SPATA16: variants seen among roughly 807,000 people sequenced by gnomAD.
SPATA16 encodes spermatogenesis-associated protein 16.
A neutral mutation model predicts 63.3 loss-of-function variants in SPATA16; 36 were observed. The observed-to-expected ratio is 0.57, with a 90% CI of 0.44 to 0.75. The LOEUF (loss-of-function observed/expected upper bound fraction) is 0.75, where lower values mean the gene tolerates loss of function less well. Ranked by LOEUF, SPATA16 falls within the 30% of genes least tolerant of loss-of-function variation. The probability of loss-of-function intolerance (pLI) is 0.00; values close to 1 mark genes in which losing one functional copy is unlikely to be tolerated. For missense variants in SPATA16, 646 were observed against 679.3 expected (o/e 0.95, Z 0.54); for synonymous variants, 203 against 216.7 (o/e 0.94, Z 0.56).
chr3:172,918,441 A>G (rs1355771100), intron 8 of SPATA16, among the ~76,000 whole-genome samples: 4 of 152,158 alleles, frequency 2.6e-5, no homozygotes, highest in African/African-American at 9.7e-5. Context: ...TGAATAAGAT[A>G]ACAGGGAAAG....
At chr3:173,033,049 T>C (rs1328450038) in intron 3 of SPATA16, among the ~76,000 whole-genome samples, 1 of 152,146 alleles carries the variant, frequency 6.6e-6, no homozygotes, top group African/African-American at 2.4e-5. Flanking sequence ...GAACATCAAA[T>C]GTACACAATC....
At chr3:173,103,656 C>A (rs1432099087) in intron 2 of SPATA16, among the ~76,000 whole-genome samples, 2 of 152,198 alleles carry the variant, frequency 1.3e-5, no homozygotes, top group Non-Finnish European at 2.9e-5. Context: ...GGACATGAAA[C>A]CATTATTTCC....
At chr3:172,906,385 A>G (rs1304501158) in intron 10 of SPATA16, among the ~76,000 whole-genome samples, 1 of 152,226 alleles carries the variant, frequency 6.6e-6, no homozygotes, top group Non-Finnish European at 1.5e-5. Flanking sequence ...AAACTAAGGA[A>G]CAGAGATGGA....
chr3:173,027,908 A>G (rs1477102535), intron 3 of SPATA16, among the ~76,000 whole-genome samples: 1 of 151,322 alleles, frequency 6.6e-6, no homozygotes, highest in African/African-American at 2.4e-5. Context: ...ATCTGCTATC[A>G]CTACCCCAGG....
rs564279239 is a variant in SPATA16, at chr3:173,038,003, G to A, written c.758+10946C>T. ...ACACATTCTTGAAATGTGAAAAGTC[G>A]AAGGGATAGCAGAGTGGTATCTGTT... On this transcript the variant is annotated intron_variant, in intron 3 of 10. Coordinates refer to ENST00000351008, the MANE Select transcript of SPATA16 (RefSeq NM_031955.6). Among the ~76,000 whole-genome samples, 12 of 152,180 alleles carry A rather than the reference G, an allele frequency of 7.9e-5. No homozygotes were observed. The East Asian group carries it at 9.7e-4, about 12-fold the overall frequency.
chr3:172,932,937 G>A (rs1283085692), intron 6 of SPATA16, among the ~76,000 whole-genome samples: 1 of 152,054 alleles, frequency 6.6e-6, no homozygotes, highest in Non-Finnish European at 1.5e-5. Flanking sequence ...GTATATTTAA[G>A]TTTTCTCTTG....
chr3:172,906,882 C>T (rs1203661460), intron 10 of SPATA16, among the ~76,000 whole-genome samples: 1 of 152,178 alleles, frequency 6.6e-6, no homozygotes, highest in East Asian at 1.9e-4. Context: ...GCTGGGACTA[C>T]AGGTGCCCGC....
chr3:172,996,836 A>G (rs1734703369), intron 4 of SPATA16, among the ~76,000 whole-genome samples: 2 of 152,142 alleles, frequency 1.3e-5, no homozygotes, highest in Non-Finnish European at 2.9e-5. Context: ...GCAACCAGTG[A>G]TCTTTTTACA....
In SPATA16 at chr3:172,989,295, C is replaced by G. The variant is rs76863282; in HGVS notation, c.849-12243G>C. Among the ~76,000 whole-genome samples the G allele has an allele frequency of 4.2e-3, 641 of 152,282 alleles. 4 individuals carry two copies. The highest frequency in any genetic ancestry group is 0.015 in the African/African-American group (618 of 41,544). On this transcript the variant is annotated intron_variant, in intron 4 of 10. Coordinates refer to ENST00000351008, the MANE Select transcript of SPATA16 (RefSeq NM_031955.6). ...AATTTCAGGGACATCAAAACATATTCTGGCTCACAAATCTTTCCATCAATG... is the reference window on the plus strand; with the variant it reads ...AATTTCAGGGACATCAAAACATATTGTGGCTCACAAATCTTTCCATCAATG...
At chr3:172,934,522 A>C (rs1342571217) in intron 6 of SPATA16, among the ~76,000 whole-genome samples, 1 of 152,164 alleles carries the variant, frequency 6.6e-6, no homozygotes, top group African/African-American at 2.4e-5. Context: ...TTCTATCATC[A>C]CAGAAAAGCA....
intron 3 of SPATA16, among the ~76,000 whole-genome samples, chr3:173,047,157 TC>T (rs1735976113): frequency 5.9e-5 from 9 of 152,014 alleles, no homozygotes; most frequent in East Asian, 1.9e-4. Flanking sequence ...ATCTTGTGGT[TC>T]TTATATTTGG....
rs66547523 is a variant in SPATA16, at chr3:173,010,435, CGTGTGT to C, written c.848+9045_848+9050del. On this transcript the variant is annotated intron_variant, in intron 4 of 10. Coordinates refer to ENST00000351008, the MANE Select transcript of SPATA16 (RefSeq NM_031955.6). ...GCCTGACCACTCTGGCACGTTGTGG[CGTGTGT>C]GTGTGTGTGTGTGTGTGTGTGTGTG... is the stretch of plus-strand genomic sequence containing the variant. Among the ~76,000 whole-genome samples, 311 of 141,404 alleles carry C rather than the reference CGTGTGT, an allele frequency of 2.2e-3. 1 individual carries two copies. Among genetic ancestry groups the C allele is most frequent in the African/African-American group, 5.6e-3 (210 of 37,630 alleles). 92.8% of individuals were successfully genotyped at this position (141,404 alleles called of 152,430 possible). A position where few individuals can be genotyped will look rare whatever the true frequency, so the allele number is the denominator to read the frequency against.
At chr3:172,937,069 T>A (rs1245317432) in intron 6 of SPATA16, among the ~76,000 whole-genome samples, 1 of 152,180 alleles carries the variant, frequency 6.6e-6, no homozygotes, top group Non-Finnish European at 1.5e-5. Flanking sequence ...AGTGTCAGAA[T>A]TGAATTGCAA....
rs574674103 is a variant in SPATA16, at chr3:173,123,508, G to A, written c.-18-5759C>T. 1.0e-3 allele frequency among the ~76,000 whole-genome samples: 154 copies of A among 151,736 alleles called. 1 individual carries two copies. In the Middle Eastern group the frequency reaches 0.01, roughly 10 times the overall value. ...TATTTGACTTTACTGCTGCTTTACT[G>A]GGTGGCACTCCCTCTAAAATGATAA... On this transcript the variant is annotated intron_variant, in intron 1 of 10. Coordinates refer to ENST00000351008, the MANE Select transcript of SPATA16 (RefSeq NM_031955.6).
At chr3:173,085,005 T>C (rs1737015009) in intron 2 of SPATA16, among the ~76,000 whole-genome samples, 1 of 152,196 alleles carries the variant, frequency 6.6e-6, no homozygotes, top group Non-Finnish European at 1.5e-5. Flanking sequence ...ATGTGGGCTC[T>C]TTTTGGCTCC....
intron 2 of SPATA16, among the ~76,000 whole-genome samples, chr3:173,075,487 T>C (rs1427027178): frequency 6.6e-6 from 1 of 152,184 alleles, no homozygotes; most frequent in Admixed American, 6.5e-5. Context: ...ATGTTTATTA[T>C]AGCAGTATTC....
Position 172,932,829 on chromosome 3 carries a change from A to G in SPATA16, c.1082-7337T>C, listed in dbSNP as rs540446576. Among the ~76,000 whole-genome samples, 4 of 152,270 alleles carry G rather than the reference A, an allele frequency of 2.6e-5. No homozygotes were observed. The South Asian group carries it at 8.3e-4, about 32-fold the overall frequency. On this transcript the variant is annotated intron_variant, in intron 6 of 10. Coordinates refer to ENST00000351008, the MANE Select transcript of SPATA16 (RefSeq NM_031955.6). ...TCCCTTTGACCTTCATTATAATTTC[A>G]GAGTTATAGACAGAAATAGAAAAAA...
chr3:172,905,890 A>G (rs901924325), intron 10 of SPATA16, among the ~76,000 whole-genome samples: 1 of 152,240 alleles, frequency 6.6e-6, no homozygotes, highest in Non-Finnish European at 1.5e-5. Context: ...ATGCTGGAGC[A>G]CTTTTCTCAT....
At chr3:173,119,259 C>T (rs1577184613) in intron 1 of SPATA16, among the ~76,000 whole-genome samples, 1 of 152,254 alleles carries the variant, frequency 6.6e-6, no homozygotes, top group East Asian at 1.9e-4. Flanking sequence ...ACCACCATGG[C>T]ACATGTATAC....
Sources: allele counts gnomAD v4.1 joint callset (sites outside exome capture counted in the v4.1 genomes callset), GRCh38; gene constraint gnomAD v4.1.1; transcripts MANE v1.5; gene names NCBI Gene and HGNC (gene_info 2026-07-23, HGNC 2026-07-21).